Variants in ZNF385D observed in about 807,000 individuals in gnomAD.
ZNF385D encodes zinc finger protein 659.
A neutral mutation model predicts 35.8 loss-of-function variants in ZNF385D; 15 were observed. The observed-to-expected ratio is 0.42, with a 90% confidence interval of 0.28 to 0.64. The LOEUF (loss-of-function observed/expected upper bound fraction) is 0.64. Ranked by LOEUF, ZNF385D falls within the 30% of genes least tolerant of loss-of-function variation. The pLI is 0.23. For synonymous variants in ZNF385D, 212 were observed against 186.8 expected (o/e 1.13, Z -1.10); for missense variants, 474 against 494.6 (o/e 0.96, Z 0.39).
chr3:21,809,819 CA>C (rs1575690236), intron 3 of ZNF385D, among the ~76,000 whole-genome samples: 1 of 151,290 alleles, frequency 6.6e-6, no homozygotes, highest in African/African-American at 2.4e-5. Context: ...GAGAGAGGTA[CA>C]AAAAACCAGA....
chr3:21,567,757 T>G (rs2063200586), intron 2 of ZNF385D, among the ~76,000 whole-genome samples: 1 of 152,178 alleles, frequency 6.6e-6, no homozygotes. Flanking sequence ...GAACTGTGTA[T>G]GTATATCAAA....
In ZNF385D at chr3:21,471,254, TTCTCTCTCTCTCTCTCTCTTTCTC is replaced by T. The variant is rs1196858207; in HGVS notation, c.440-34075_440-34052del. ...ACCATATTTCCCTCCCTCCCTCCCTTTCTCTCTCTCTCTCTCTCTTTCTCTCTCTCTCTCTCTCTCTCACACACA... is the reference window on the plus strand; with the variant it reads ...ACCATATTTCCCTCCCTCCCTCCCTTTCTCTCTCTCTCTCTCTCACACACA... On this transcript the variant is annotated intron_variant, in intron 4 of 7. Coordinates refer to ENST00000281523, the MANE Select transcript of ZNF385D (RefSeq NM_024697.3). Among the ~76,000 whole-genome samples the T allele has an allele frequency of 1.1e-3, 117 of 105,224 alleles. 1 individual carries two copies. Among genetic ancestry groups the T allele is most frequent in the Non-Finnish European group, 1.7e-3 (92 of 53,222 alleles). 69.0% of individuals were successfully genotyped at this position (105,224 alleles called of 152,430 possible).
chr3:21,564,317 C>A (rs2063063285), intron 3 of ZNF385D, among the ~76,000 whole-genome samples: 1 of 151,948 alleles, frequency 6.6e-6, no homozygotes, highest in African/African-American at 2.4e-5. Flanking sequence ...TCCCAAAAGA[C>A]TAAAAAATAA....
chr3:21,878,897 C>T (rs568179338), intron 3 of ZNF385D, among the ~76,000 whole-genome samples: 6 of 151,934 alleles, frequency 3.9e-5, no homozygotes, highest in Non-Finnish European at 7.4e-5. Flanking sequence ...TGGGAAAGAC[C>T]TTATAAAACA....
At chr3:22,328,925 A>C (rs911791259) in intron 2 of ZNF385D, among the ~76,000 whole-genome samples, 1 of 151,720 alleles carries the variant, frequency 6.6e-6, no homozygotes, top group South Asian at 2.1e-4. Context: ...AATACAAAAA[A>C]AATTAGCTGG....
chr3:21,684,387 TCTCTCTCTCTCTCTCTC>T (rs1277596195), intron 1 of ZNF385D, among the ~76,000 whole-genome samples: 1,332 of 86,248 alleles, frequency 0.015, 50 homozygotes, highest in Middle Eastern at 0.03. Context: ...TCTCTCTCTC[TCTCTCTCTCTCTCTCTC>T]CTCTCTCTCT....
At chr3:21,992,450 A>C (rs977269687) in intron 3 of ZNF385D, among the ~76,000 whole-genome samples, 2 of 152,178 alleles carry the variant, frequency 1.3e-5, no homozygotes, top group Non-Finnish European at 2.9e-5. Flanking sequence ...TTCAAATTAT[A>C]TTATCATCAT....
At chr3:21,611,170 G>T (rs990005811) in intron 2 of ZNF385D, among the ~76,000 whole-genome samples, 4 of 152,192 alleles carry the variant, frequency 2.6e-5, no homozygotes, top group Admixed American at 2.6e-4. Flanking sequence ...TTCACTAGAA[G>T]CACATCACAG....
At chr3:22,230,302 GA>G (rs1182356206) in intron 2 of ZNF385D, among the ~76,000 whole-genome samples, 3 of 152,110 alleles carry the variant, frequency 2.0e-5, no homozygotes, top group Non-Finnish European at 4.4e-5. Context: ...AAAAAAGAAG[GA>G]AAATGGGAAA....
intron 3 of ZNF385D, among the ~76,000 whole-genome samples, chr3:21,808,277 A>G (rs2072743301): frequency 6.6e-6 from 1 of 152,196 alleles, no homozygotes; most frequent in Admixed American, 6.5e-5. Flanking sequence ...ATTTTAGGAA[A>G]AGTCCCCTTC....
intron 3 of ZNF385D, among the ~76,000 whole-genome samples, chr3:21,767,192 C>G (rs1199525082): frequency 6.6e-6 from 1 of 151,820 alleles, no homozygotes; most frequent in African/African-American, 2.4e-5. Context: ...TAGAGAAATG[C>G]AAGGACAGTG....
intron 3 of ZNF385D, among the ~76,000 whole-genome samples, chr3:22,105,971 A>G (rs1302073609): frequency 1.3e-5 from 2 of 152,204 alleles, no homozygotes; most frequent in Admixed American, 6.5e-5. Flanking sequence ...AGTAATCATA[A>G]ATAACTTTCA....
At chr3:22,021,520 A>G (rs568904158) in intron 3 of ZNF385D, among the ~76,000 whole-genome samples, 1 of 152,194 alleles carries the variant, frequency 6.6e-6, no homozygotes, top group Middle Eastern at 3.4e-3. Context: ...AACTATATTT[A>G]TGCCTTTGAG....
chr3:22,335,412 A>G (rs890977399), intron 2 of ZNF385D, among the ~76,000 whole-genome samples: 2 of 152,164 alleles, frequency 1.3e-5, no homozygotes, highest in Non-Finnish European at 2.9e-5. Flanking sequence ...ATGTGGTCTA[A>G]TATTTTTTCC....
chr3:22,166,094 C>T (rs1204873007), intron 3 of ZNF385D, among the ~76,000 whole-genome samples: 1 of 126,978 alleles, frequency 7.9e-6, no homozygotes, highest in African/African-American at 2.5e-5. Context: ...CACATGTCCA[C>T]CATCCTCTGA....
chr3:21,797,726 A>G (rs1341533175), intron 3 of ZNF385D, among the ~76,000 whole-genome samples: 1 of 152,228 alleles, frequency 6.6e-6, no homozygotes, highest in East Asian at 1.9e-4. Context: ...AATCCATATT[A>G]TCAAGTGAAA....
chr3:21,666,617 T>C (rs995517272), intron 1 of ZNF385D, among the ~76,000 whole-genome samples: 2 of 152,222 alleles, frequency 1.3e-5, no homozygotes, highest in African/African-American at 2.4e-5. Context: ...ACTTAGTTTA[T>C]TGTCCACTTG....
chr3:21,417,697 A>C lies in ZNF385D; in HGVS notation c.*3517T>G, dbSNP rs1183050456. On this transcript the variant is annotated 3_prime_UTR_variant, in exon 8 of 8. Coordinates refer to ENST00000281523, the MANE Select transcript of ZNF385D (RefSeq NM_024697.3). ...CACAGCCTCTTTGATTCTATTTTGA[A>C]ACTTCTGCTGTCTTTTAATTCTTAG... 6.6e-6 allele frequency: 1 copy of C among 152,028 alleles called. No homozygotes were observed. Among genetic ancestry groups the C allele is most frequent in the Non-Finnish European group, 1.5e-5 (1 of 67,952 alleles). 9.4% of individuals were successfully genotyped at this position (152,028 alleles called of 1,614,324 possible).
chr3:21,847,044 C>T (rs1696051256), intron 3 of ZNF385D, among the ~76,000 whole-genome samples: 1 of 152,024 alleles, frequency 6.6e-6, no homozygotes, highest in Non-Finnish European at 1.5e-5. Context: ...TGTTACAGGG[C>T]TTCAACCTGA....
Sources: gnomAD v4.1 joint callset for allele counts (sites outside exome capture counted in the v4.1 genomes callset) on GRCh38, gnomAD v4.1.1 for gene constraint, MANE v1.5 for transcripts, NCBI Gene and HGNC (gene_info 2026-07-23, HGNC 2026-07-21) for gene names.